The following DIAPH2 variants were observed in gnomAD, a reference collection of about 807,000 sequenced individuals.
DIAPH2 encodes diaphanous related formin 2.
A neutral mutation model predicts 92.7 loss-of-function variants in DIAPH2; 35 were observed. The observed-to-expected ratio is 0.38, with a 90% CI of 0.29 to 0.50. The LOEUF is 0.50. DIAPH2 is among the 20% of genes least tolerant of loss of function. DIAPH2 has a pLI of 0.94. For missense variants in DIAPH2, 701 were observed against 819.5 expected, an observed-to-expected ratio of 0.86 and a Z score of 1.77; for synonymous variants, 301 against 280.4, an observed-to-expected ratio of 1.07 and a Z score of -0.73.
chrX:97,272,790 C>T (rs1296626644), intron 23 of DIAPH2, among the ~76,000 whole-genome samples: 2 of 112,017 alleles, frequency 1.8e-5, no homozygotes, highest in African/African-American at 3.2e-5. Context: ...ATGCAGTTCC[C>T]TACTCAAGCA....
At chrX:97,385,073 G>T (rs1045175398) in intron 25 of DIAPH2, among the ~76,000 whole-genome samples, 1 of 109,940 alleles carries the variant, frequency 9.1e-6, no homozygotes, top group African/African-American at 3.3e-5. Context: ...GTCACCTGAG[G>T]TTTAGAGAAT....
chrX:97,139,444 G>GTT (rs776846029), intron 21 of DIAPH2, among the ~76,000 whole-genome samples: 1 of 100,988 alleles, frequency 9.9e-6, no homozygotes, highest in East Asian at 3.0e-4. Context: ...GTCTCTGTGT[G>GTT]TTTTTTTTTT....
chrX:96,785,964 G>C (rs749769454), intron 4 of DIAPH2, among the ~76,000 whole-genome samples: 3 of 111,504 alleles, frequency 2.7e-5, no homozygotes, highest in African/African-American at 6.5e-5. Flanking sequence ...CCAAACCTTA[G>C]AAAATTTTGA....
intron 25 of DIAPH2, among the ~76,000 whole-genome samples, chrX:97,394,110 G>A (rs2069683769): frequency 9.0e-6 from 1 of 111,345 alleles, no homozygotes; most frequent in African/African-American, 3.3e-5. Flanking sequence ...ATCTGAATAG[G>A]TCAATTTATG....
intron 26 of DIAPH2, among the ~76,000 whole-genome samples, chrX:97,437,043 A>T (rs1361286278): frequency 9.0e-6 from 1 of 111,575 alleles, no homozygotes; most frequent in East Asian, 2.8e-4. Context: ...TTGACCCAAG[A>T]TGGCAAGAGC....
intron 4 of DIAPH2, among the ~76,000 whole-genome samples, chrX:96,859,921 G>C (rs1273096075): frequency 8.9e-6 from 1 of 111,738 alleles, no homozygotes; most frequent in Admixed American, 9.5e-5. Context: ...GATTACAGGC[G>C]TGAGCCACCA....
chrX:97,041,290 A>T (rs2066446730), intron 17 of DIAPH2, among the ~76,000 whole-genome samples: 1 of 111,731 alleles, frequency 9.0e-6, no homozygotes, highest in Non-Finnish European at 1.9e-5. Context: ...ACAGAATGGT[A>T]TGATAATCAG....
rs1394928951 is a variant in DIAPH2 at position 97,194,304 on chromosome X, C to T, written c.2719+52510C>T. ...TAGAAATTTTTTTTTTTTTTTTTGACGGAGTCTTGCTCTGTTGCCCAGGCT... is the reference window on the plus strand; with the variant it reads ...TAGAAATTTTTTTTTTTTTTTTTGATGGAGTCTTGCTCTGTTGCCCAGGCT... On this transcript the variant is annotated intron_variant, in intron 22 of 26. Coordinates refer to ENST00000324765, the MANE Select transcript of DIAPH2 (RefSeq NM_006729.5). Among the ~76,000 whole-genome samples, 478 of 101,429 alleles carry T rather than the reference C, an allele frequency of 4.7e-3. 1 individual carries two copies. Among genetic ancestry groups the T allele is most frequent in the Non-Finnish European group, 8.0e-3 (405 of 50,326 alleles). 88.1% of individuals were successfully genotyped at this position (101,429 alleles called of 115,157 possible). A position where few individuals can be genotyped will look rare whatever the true frequency, so the allele number is the denominator to read the frequency against.
chrX:96,838,170 A>G (rs888544355), intron 4 of DIAPH2, among the ~76,000 whole-genome samples: 8 of 112,059 alleles, frequency 7.1e-5, no homozygotes, highest in African/African-American at 2.6e-4. Context: ...GATGAATAAG[A>G]TGAGTGACTA....
chrX:96,853,085 A>T (rs2065015643), intron 4 of DIAPH2, among the ~76,000 whole-genome samples: 1 of 111,794 alleles, frequency 8.9e-6, no homozygotes, highest in African/African-American at 3.2e-5. Flanking sequence ...GATTTGACTC[A>T]GGCATTCTGG....
intron 17 of DIAPH2, among the ~76,000 whole-genome samples, chrX:97,015,358 A>G (rs773562525): frequency 2.7e-5 from 3 of 111,636 alleles, no homozygotes; most frequent in Admixed American, 9.5e-5. Flanking sequence ...ATCTACCACT[A>G]TTTCATTTTG....
chrX:96,748,505 T>C (rs1291133396), intron 3 of DIAPH2, among the ~76,000 whole-genome samples: 2 of 111,989 alleles, frequency 1.8e-5, no homozygotes, highest in Non-Finnish European at 3.8e-5. Flanking sequence ...CTTTATTTTT[T>C]GGCATAAATG....
intron 26 of DIAPH2, among the ~76,000 whole-genome samples, chrX:97,539,184 A>G (rs1368918762): frequency 5.4e-5 from 6 of 111,335 alleles, no homozygotes; most frequent in Non-Finnish European, 1.9e-5. Flanking sequence ...GTCAGTGGTC[A>G]GAATGATTCC....
At chrX:97,276,403 C>G (rs969655172) in intron 23 of DIAPH2, among the ~76,000 whole-genome samples, 4 of 111,658 alleles carry the variant, frequency 3.6e-5, no homozygotes, top group Non-Finnish European at 7.5e-5. Flanking sequence ...AAAGTCAGGA[C>G]TTATTTTGCT....
chrX:96,821,443 T>A (rs1047701194), intron 4 of DIAPH2, among the ~76,000 whole-genome samples: 1 of 111,802 alleles, frequency 8.9e-6, no homozygotes, highest in African/African-American at 3.3e-5. Flanking sequence ...GTGAAAGAGC[T>A]TCAGCCAAGG....
intron 1 of DIAPH2, among the ~76,000 whole-genome samples, chrX:96,697,607 T>C (rs1186064294): frequency 9.0e-6 from 1 of 111,422 alleles, no homozygotes; most frequent in Non-Finnish European, 1.9e-5. Flanking sequence ...GATCCGCCAC[T>C]GCACTTCAGC....
At chrX:97,319,510 C>T (rs1286458584) in intron 23 of DIAPH2, among the ~76,000 whole-genome samples, 1 of 109,988 alleles carries the variant, frequency 9.1e-6, no homozygotes, top group Non-Finnish European at 1.9e-5. Context: ...CCTCAGCCTC[C>T]CAAGTAGCTG....
chrX:97,147,316 ATT>A (rs67168549), intron 22 of DIAPH2, among the ~76,000 whole-genome samples: 3 of 106,694 alleles, frequency 2.8e-5, no homozygotes, highest in Non-Finnish European at 5.8e-5. Context: ...AAAACATTGA[ATT>A]TTTTTTTTCT....
At chrX:96,797,396 G>A (rs1229007563) in intron 4 of DIAPH2, among the ~76,000 whole-genome samples, 3 of 111,932 alleles carry the variant, frequency 2.7e-5, no homozygotes, top group Non-Finnish European at 5.6e-5. Context: ...CAGGAGAATC[G>A]CTTGAACTCG....
Sources: allele counts gnomAD v4.1 joint callset (sites outside exome capture counted in the v4.1 genomes callset), GRCh38; gene constraint gnomAD v4.1.1; transcripts MANE v1.5; gene names NCBI Gene and HGNC (gene_info 2026-07-23, HGNC 2026-07-21).